TEX14: variants seen among roughly 807,000 people sequenced by gnomAD.
TEX14 encodes the protein inactive serine/threonine-protein kinase TEX14.
A neutral mutation model predicts 178.6 loss-of-function variants in TEX14; 168 were observed. That is an observed-to-expected ratio of 0.94 (90% CI 0.83 to 1.07). The LOEUF (loss-of-function observed/expected upper bound fraction) is 1.07, where lower values mean the gene tolerates loss of function less well. Ranked by LOEUF, TEX14 falls within the 50% of genes least tolerant of loss-of-function variation. TEX14 has a pLI of 0.00. For synonymous variants in TEX14, 626 were observed against 634.1 expected, an observed-to-expected ratio of 0.99 and a Z score of 0.19; for missense variants, 1,730 against 1,753.6, an observed-to-expected ratio of 0.99 and a Z score of 0.24.
At chr17:58,670,141 T>C (rs2047280115) in intron 1 of TEX14, among the ~76,000 whole-genome samples, 1 of 152,224 alleles carries the variant, frequency 6.6e-6, no homozygotes, top group Admixed American at 6.5e-5. Context: ...CCCTCTGTTA[T>C]CATAGTAAGA....
Position 58,572,020 on chromosome 17 carries a change from T to G in TEX14, c.3618A>C (p.Gln1206His). 6.2e-7 allele frequency: 1 copy of G among 1,614,180 alleles called. No individual in the cohort carries two copies. Among genetic ancestry groups the G allele is most frequent in the Non-Finnish European group, 8.5e-7 (1 of 1,180,002 alleles). Residue 1206 changes from glutamine (Q) to histidine (H), a missense_variant, in exon 24 of 32, where the codon CAA becomes CAC. Around this residue, in one of 2 missense-constraint regions of TEX14, gnomAD observed 941 missense variants for 1,072.4 expected, o/e 0.88. Coordinates refer to ENST00000349033, the MANE Select transcript of TEX14 (RefSeq NM_031272.5). ...ASCWNSQEFI[Q>H]TLSDDFISVR... is the part of the protein sequence containing the mutation. ...CACTTATAAAGTCATCAGACAAAGT[T>G]TGAATAAATTCTTGACTGTTCCAGC...
chr17:58,599,542 T>C lies in TEX14; in HGVS notation c.1803A>G (p.Pro601=), dbSNP rs374222859. Residue 601 remains proline (P), a synonymous_variant, in exon 14 of 32, where the codon CCA becomes CCG. Transcript: ENST00000349033. The part of the protein sequence containing the change: ...TQNQDAPCPA[P]FMAEEASSPS... ...GGCTGCTGGCCTCTTCTGCCATAAA[T>C]GGAGCAGGGCAAGGAGCATCTTGAT... is the stretch of plus-strand genomic sequence containing the variant. 2.3e-4 allele frequency: 378 copies of C among 1,613,902 alleles called. No individual in the cohort carries two copies. Among genetic ancestry groups the C allele is most frequent in the Admixed American group, 6.3e-4 (38 of 59,962 alleles).
At chr17:58,559,764 G>C (rs1284854170) in intron 29 of TEX14, among the ~76,000 whole-genome samples, 1 of 152,050 alleles carries the variant, frequency 6.6e-6, no homozygotes, top group South Asian at 2.1e-4. Flanking sequence ...ACTATATAAG[G>C]TAGTTACCAC....
At chr17:58,691,745 G>A (rs2047733398) in intron 1 of TEX14, among the ~76,000 whole-genome samples, 194 bp downstream of exon 1, 1 of 151,066 alleles carries the variant, frequency 6.6e-6, no homozygotes. Flanking sequence ...ACCTAGGCAA[G>A]GAAGGAACTC....
At chr17:58,645,709 G>A (rs1443944795) in intron 2 of TEX14, among the ~76,000 whole-genome samples, 1 of 152,070 alleles carries the variant, frequency 6.6e-6, no homozygotes, top group Non-Finnish European at 1.5e-5. Flanking sequence ...AACCTATAAG[G>A]TTGCATCTTT....
intron 1 of TEX14, chr17:58,661,832 A>G: frequency 2.1e-6 from 1 of 466,216 alleles, no homozygotes; most frequent in Non-Finnish European, 3.8e-6. Flanking sequence ...TCCGTTTCCT[A>G]AAATTGTAAA....
In TEX14 at chr17:58,599,567, T is replaced by G; in HGVS notation, c.1778A>C (p.Asn593Thr). ...DPCLMARETQ[N>T]QDAPCPAPFM... ...TGGAGCAGGGCAAGGAGCATCTTGATTCTGAGTCTCCCTGGCCATCAGACA... is the reference window on the plus strand; with the variant it reads ...TGGAGCAGGGCAAGGAGCATCTTGAGTCTGAGTCTCCCTGGCCATCAGACA... The change falls in exon 14 of 32, where the codon AAT (asparagine) becomes ACT (threonine). Residue 593 changes from asparagine to threonine, a missense_variant. Asn to Thr is a moderately conservative substitution (Grantham distance 65). This residue lies in a region of TEX14 where 941 missense variants were observed against 1,072.4 expected (regional missense o/e 0.88). Coordinates refer to ENST00000349033, the MANE Select transcript of TEX14 (RefSeq NM_031272.5). The G allele has an allele frequency of 6.2e-7, 1 of 1,614,052 alleles. No homozygotes were observed. Among genetic ancestry groups the G allele is most frequent in the South Asian group, 1.1e-5 (1 of 91,070 alleles).
intron 12 of TEX14, among the ~76,000 whole-genome samples, chr17:58,602,162 C>T (rs929638922): frequency 7.9e-5 from 12 of 152,170 alleles, no homozygotes; most frequent in Non-Finnish European, 1.6e-4. Context: ...CCACTAAGTG[C>T]CTACAGGGTG....
At chr17:58,668,377 T>C (rs540521346) in intron 1 of TEX14, among the ~76,000 whole-genome samples, 1 of 152,302 alleles carries the variant, frequency 6.6e-6, no homozygotes, top group Non-Finnish European at 1.5e-5. Flanking sequence ...CCAAAGCCTC[T>C]TCTACTGATG....
At chr17:58,591,841 T>G (rs2045151748) in intron 15 of TEX14, among the ~76,000 whole-genome samples, 1 of 151,916 alleles carries the variant, frequency 6.6e-6, no homozygotes, top group South Asian at 2.1e-4. Flanking sequence ...GTGGATGACC[T>G]GAGGTCAGGA....
intron 1 of TEX14, among the ~76,000 whole-genome samples, chr17:58,671,658 T>C (rs2047305608): frequency 6.6e-6 from 1 of 152,202 alleles, no homozygotes; most frequent in Non-Finnish European, 1.5e-5. Context: ...GGTCCATCCC[T>C]GCCTTTCCTT....
chr17:58,620,648 C>G (rs1372019065), intron 5 of TEX14, among the ~76,000 whole-genome samples: 1 of 152,148 alleles, frequency 6.6e-6, no homozygotes, highest in East Asian at 1.9e-4. Context: ...TGCATGCCAC[C>G]ACACCCGGCT....
chr17:58,557,197 G>A, intron 31 of TEX14, 150 bp from the exon 32 acceptor site: 2 of 676,940 alleles, frequency 3.0e-6, no homozygotes, highest in Non-Finnish European at 2.6e-6. Flanking sequence ...ATAACCAACA[G>A]TGTGTCATGG....
At chr17:58,560,886 C>T (rs1222945446) in intron 29 of TEX14, among the ~76,000 whole-genome samples, 2 of 152,210 alleles carry the variant, frequency 1.3e-5, no homozygotes, top group Non-Finnish European at 2.9e-5. Context: ...TTGACCTTTT[C>T]AGCACTTCAT....
intron 24 of TEX14, 130 bp from the exon 25 acceptor site, chr17:58,570,614 TC>T: frequency 4.1e-6 from 1 of 241,786 alleles, no homozygotes; most frequent in Non-Finnish European, 7.4e-6. Flanking sequence ...CTGGGAAGCC[TC>T]CTTTTTTTTT....
At chr17:58,677,279 C>T (rs2047411310) in intron 1 of TEX14, among the ~76,000 whole-genome samples, 1 of 152,144 alleles carries the variant, frequency 6.6e-6, no homozygotes, top group African/African-American at 2.4e-5. Context: ...GAGCAAGACC[C>T]TGTCTCTAAA....
chr17:58,681,730 C>G (rs918153607), intron 1 of TEX14, among the ~76,000 whole-genome samples: 1 of 151,884 alleles, frequency 6.6e-6, no homozygotes, highest in African/African-American at 2.4e-5. Flanking sequence ...GTAATCCCAG[C>G]TACCCAGGAG....
chr17:58,567,800 G>T (rs762662463), intron 26 of TEX14: 1 of 152,198 alleles, frequency 6.6e-6, no homozygotes, highest in African/African-American at 2.4e-5. Flanking sequence ...ATGAGGGAAG[G>T]CTTCTGCAGA....
At chr17:58,663,422 CAAA>C (rs764235419) in intron 1 of TEX14, among the ~76,000 whole-genome samples, 2 of 57,840 alleles carry the variant, frequency 3.5e-5, no homozygotes. Flanking sequence ...AACTCCGTCT[CAAA>C]AAAAAAAAAA....
Sources: allele counts gnomAD v4.1 joint callset (sites outside exome capture counted in the v4.1 genomes callset), GRCh38; gene constraint gnomAD v4.1.1; regional missense constraint gnomAD v4.1.1; transcripts MANE v1.5; gene names NCBI Gene and HGNC (gene_info 2026-07-23, HGNC 2026-07-21).